OR6N1: variants seen among roughly 807,000 people sequenced by gnomAD.
OR6N1 encodes the protein olfactory receptor family 6 subfamily N member 1.
For synonymous variants in OR6N1, 170 were observed against 150.7 expected (o/e 1.13, Z -0.94); for missense variants, 394 against 371.7 (o/e 1.06, Z -0.49).
chr1:158,839,876 C>T, the OR6N1 span, among the ~76,000 whole-genome samples: 10 of 152,282 alleles, frequency 6.6e-5, no homozygotes, highest in East Asian at 1.7e-3. Flanking sequence ...TCTGGAACGT[C>T]CTTGTCTGCA....
Position 158,765,629 on chromosome 1 carries a change from C to T in OR6N1, c.*115G>A. On this transcript the variant is annotated 3_prime_UTR_variant, in exon 2 of 2. Coordinates refer to ENST00000641846, the MANE Select transcript of OR6N1 (RefSeq NM_001005185.2). Reference sequence around the variant, plus strand: ...GGAAGTCAGTCAGCACTTGCTGCAGCTCCACCACCCCACATAGAAAAGCAC... The same window carrying T: ...GGAAGTCAGTCAGCACTTGCTGCAGTTCCACCACCCCACATAGAAAAGCAC... The T allele has an allele frequency of 2.4e-6, 2 of 845,976 alleles. No individual in the cohort carries two copies. The highest frequency in any genetic ancestry group is 3.8e-6 in the Non-Finnish European group (2 of 532,712). 52.4% of individuals were successfully genotyped at this position (845,976 alleles called of 1,614,324 possible). A position where few individuals can be genotyped will look rare whatever the true frequency, so the allele number is the denominator to read the frequency against.
At chr1:158,786,750 C>T in the OR6N1 span, among the ~76,000 whole-genome samples, 378 of 152,206 alleles carry the variant, frequency 2.5e-3, 1 homozygote, top group African/African-American at 8.7e-3. Flanking sequence ...GAATGGAAAA[C>T]TAAATATCAT....
chr1:158,824,405 T>C, the OR6N1 span, among the ~76,000 whole-genome samples: 59 of 152,216 alleles, frequency 3.9e-4, no homozygotes, highest in Admixed American at 9.2e-4. Context: ...TGGGTATGTC[T>C]TTATTAGCAG....
intron 1 of OR6N1, among the ~76,000 whole-genome samples, chr1:158,770,784 A>G (rs1418768999): frequency 1.3e-5 from 2 of 152,224 alleles, no homozygotes; most frequent in Non-Finnish European, 1.5e-5. Context: ...TCACTCATAA[A>G]GGAATCCATA....
At chr1:158,830,672 T>C in the OR6N1 span, among the ~76,000 whole-genome samples, 6 of 152,298 alleles carry the variant, frequency 3.9e-5, no homozygotes, top group South Asian at 1.2e-3. Flanking sequence ...TTCCAGAATG[T>C]TCAAGGTTTC....
the OR6N1 span, among the ~76,000 whole-genome samples, chr1:158,817,327 G>A: frequency 2.0e-5 from 3 of 152,188 alleles, no homozygotes; most frequent in East Asian, 1.9e-4. Flanking sequence ...GGCAGGTCAC[G>A]TTACCTCCTT....
chr1:158,816,409 A>C, the OR6N1 span, among the ~76,000 whole-genome samples: 1 of 152,018 alleles, frequency 6.6e-6, no homozygotes, highest in African/African-American at 2.4e-5. Context: ...TTTTTTGCCC[A>C]GGCTGGGAGC....
At chr1:158,796,498 C>T in the OR6N1 span, among the ~76,000 whole-genome samples, 1 of 152,178 alleles carries the variant, frequency 6.6e-6, no homozygotes, top group African/African-American at 2.4e-5. Context: ...ATCCATTCCG[C>T]TGTTGAGAGC....
At chr1:158,802,006 T>C in the OR6N1 span, among the ~76,000 whole-genome samples, 85 of 152,224 alleles carry the variant, frequency 5.6e-4, no homozygotes, top group Middle Eastern at 3.4e-3. Context: ...CCTTGCTATA[T>C]GTTCTCTGGA....
chr1:158,780,081 A>T, the OR6N1 span, among the ~76,000 whole-genome samples: 1 of 152,194 alleles, frequency 6.6e-6, no homozygotes, highest in African/African-American at 2.4e-5. Flanking sequence ...TCTTCTTAGC[A>T]ATACAAAGCT....
chr1:158,810,140 G>A, the OR6N1 span, among the ~76,000 whole-genome samples: 2 of 152,132 alleles, frequency 1.3e-5, no homozygotes, highest in Admixed American at 1.3e-4. Flanking sequence ...CACAGATAAT[G>A]TATGTTTCCC....
chr1:158,830,905 T>C, the OR6N1 span, among the ~76,000 whole-genome samples: 6 of 152,182 alleles, frequency 3.9e-5, no homozygotes, highest in African/African-American at 1.2e-4. Context: ...ATGTAGGTAC[T>C]ATTTAAACAA....
the OR6N1 span, among the ~76,000 whole-genome samples, chr1:158,815,751 C>A: frequency 2.0e-5 from 3 of 152,126 alleles, no homozygotes; most frequent in African/African-American, 2.4e-5. Flanking sequence ...AATTATTTAA[C>A]CCTCACAGGT....
chr1:158,768,238 A>G (rs764663240), intron 1 of OR6N1, among the ~76,000 whole-genome samples: 28 of 152,038 alleles, frequency 1.8e-4, no homozygotes, highest in Non-Finnish European at 3.2e-4. Context: ...TGTGTTGAAG[A>G]CATCTAAATC....
At chr1:158,776,682 T>A, upstream of OR6N1, 1 of 1,574,762 alleles carries the variant, frequency 6.4e-7, no homozygotes, top group Non-Finnish European at 8.7e-7. Flanking sequence ...GGGAAGAAAG[T>A]CAAAGATGAG....
the OR6N1 span, among the ~76,000 whole-genome samples, chr1:158,788,985 A>G: frequency 1.3e-5 from 2 of 152,200 alleles, no homozygotes; most frequent in Non-Finnish European, 2.9e-5. Context: ...TTGACAAAAT[A>G]TGTAATAAAC....
the OR6N1 span, among the ~76,000 whole-genome samples, chr1:158,800,027 G>GC: frequency 8.2e-4 from 125 of 152,114 alleles, no homozygotes; most frequent in African/African-American, 2.7e-3. Flanking sequence ...GTTAGAAAAC[G>GC]TTGGTGCTAT....
At chr1:158,822,896 T>A in the OR6N1 span, among the ~76,000 whole-genome samples, 2 of 152,194 alleles carry the variant, frequency 1.3e-5, no homozygotes, top group African/African-American at 4.8e-5. Flanking sequence ...AATGCCTAGT[T>A]TGTTGAGGAC....
At chr1:158,783,095 A>C in the OR6N1 span, among the ~76,000 whole-genome samples, 1 of 152,180 alleles carries the variant, frequency 6.6e-6, no homozygotes, top group African/African-American at 2.4e-5. Flanking sequence ...GCATTGTTCA[A>C]AATTTAGTTT....
Sources: allele counts gnomAD v4.1 joint callset (sites outside exome capture counted in the v4.1 genomes callset), GRCh38; gene constraint gnomAD v4.1.1; transcripts MANE v1.5; gene names NCBI Gene and HGNC (gene_info 2026-07-23, HGNC 2026-07-21).